Variants in ERMARD observed in about 807,000 individuals in gnomAD.
ERMARD encodes endoplasmic reticulum membrane-associated RNA degradation protein.
In ERMARD, 71 loss-of-function variants were observed where a neutral mutation model predicts 83.9. That is an observed-to-expected ratio of 0.85 (90% CI 0.70 to 1.03). The LOEUF is 1.03. Ranked by LOEUF, ERMARD falls within the 50% of genes least tolerant of loss-of-function variation. The probability of loss-of-function intolerance (pLI) is 0.00; values close to 1 mark genes in which losing one functional copy is unlikely to be tolerated. For missense variants in ERMARD, 838 were observed against 810.9 expected, an observed-to-expected ratio of 1.03 and a Z score of -0.41; for synonymous variants, 284 against 298.6, an observed-to-expected ratio of 0.95 and a Z score of 0.50.
intron 17 of ERMARD, among the ~76,000 whole-genome samples, chr6:169,779,870 G>A (rs971889959): frequency 6.6e-6 from 1 of 152,220 alleles, no homozygotes; most frequent in Non-Finnish European, 1.5e-5. Flanking sequence ...TGACACTTGT[G>A]TGACCCACTT....
intron 12 of ERMARD, chr6:169,771,690 C>G (rs1368547865): frequency 6.6e-6 from 1 of 152,198 alleles, no homozygotes; most frequent in Non-Finnish European, 1.5e-5. Context: ...AGGCGGGAAG[C>G]CTTAGATTCC....
chr6:169,757,503 G>A (rs1024945398), intron 5 of ERMARD, among the ~76,000 whole-genome samples: 6 of 152,034 alleles, frequency 3.9e-5, no homozygotes, highest in East Asian at 3.8e-4. Flanking sequence ...AAATTTTAAC[G>A]TGAAATTATC....
In ERMARD at chr6:169,768,087, AT is replaced by A. The variant is rs775461295; in HGVS notation, c.991-11del. ...TGGGGACCAGTTAACCAATGTATTT[AT>A]TTTTGATGTTTTAGATATTGGCAAA... On this transcript the variant is annotated splice_polypyrimidine_tract_variant and intron_variant, in intron 10 of 17. Coordinates refer to ENST00000366773, the MANE Select transcript of ERMARD (RefSeq NM_018341.3). 1.2e-6 allele frequency: 2 copies of A among 1,608,014 alleles called. No individual in the cohort carries two copies. Among genetic ancestry groups the A allele is most frequent in the Non-Finnish European group, 1.7e-6 (2 of 1,174,602 alleles).
chr6:169,780,735 A>G (rs1794111301), intron 17 of ERMARD, among the ~76,000 whole-genome samples: 1 of 152,220 alleles, frequency 6.6e-6, no homozygotes, highest in Non-Finnish European at 1.5e-5. Flanking sequence ...TGCACTGCAC[A>G]GGTCCACTTG....
At chr6:169,758,934 A>T in intron 5 of ERMARD, 34 bp from the exon 6 acceptor site, 1 of 1,541,204 alleles carries the variant, frequency 6.5e-7, no homozygotes, top group Non-Finnish European at 8.9e-7. Flanking sequence ...TCAGTAATTC[A>T]GTATAATTAA....
chr6:169,756,625 C>A, intron 4 of ERMARD, 94 bp from the exon 5 acceptor site: 1 of 1,143,888 alleles, frequency 8.7e-7, no homozygotes. Context: ...TACTTTTCAC[C>A]CTTCATTTGT....
intron 5 of ERMARD, among the ~76,000 whole-genome samples, chr6:169,757,106 C>A (rs1373126200): frequency 6.6e-6 from 1 of 152,174 alleles, no homozygotes; most frequent in Non-Finnish European, 1.5e-5. Flanking sequence ...AGCTGTCTCC[C>A]CCTGCGTCCC....
chr6:169,776,787 G>T, intron 16 of ERMARD, 114 bp downstream of exon 16: 1 of 1,196,756 alleles, frequency 8.4e-7, no homozygotes, highest in Non-Finnish European at 1.2e-6. Context: ...GAACCCCATC[G>T]ACAGGTGTTG....
chr6:169,760,014 T>C (rs377756436), intron 7 of ERMARD, 40 bp downstream of exon 7: 7 of 1,612,290 alleles, frequency 4.3e-6, no homozygotes, highest in East Asian at 2.2e-5. Context: ...TAGCTTTGCG[T>C]AGATATTTGC....
chr6:169,775,248 G>T (rs753567828), intron 13 of ERMARD, 22 bp from the exon 14 acceptor site: 6 of 1,612,096 alleles, frequency 3.7e-6, no homozygotes, highest in Non-Finnish European at 4.2e-6. Flanking sequence ...ATCTACAAAA[G>T]CAATAAAACA....
At chr6:169,779,547 T>C (rs1793973363) in intron 17 of ERMARD, among the ~76,000 whole-genome samples, 1 of 152,114 alleles carries the variant, frequency 6.6e-6, no homozygotes, top group Non-Finnish European at 1.5e-5. Context: ...CATGCTGGAG[T>C]GCAGTGGCAT....
At chr6:169,778,690 A>G (rs1793868647) in intron 16 of ERMARD, among the ~76,000 whole-genome samples, 1 of 152,238 alleles carries the variant, frequency 6.6e-6, no homozygotes, top group South Asian at 2.1e-4. Context: ...CTCCAAAACC[A>G]CAATATTTTT....
chr6:169,751,495 T>A (rs763007135), upstream of ERMARD: 12 of 1,610,650 alleles, frequency 7.5e-6, no homozygotes, highest in South Asian at 1.3e-4. Context: ...CGCCTCCCCT[T>A]CACCGCCGGC....
chr6:169,759,410 G>A (rs940561480), intron 6 of ERMARD, among the ~76,000 whole-genome samples: 1 of 151,950 alleles, frequency 6.6e-6, no homozygotes, highest in African/African-American at 2.4e-5. Flanking sequence ...TTCCTACATC[G>A]AGAGAATTTT....
intron 9 of ERMARD, among the ~76,000 whole-genome samples, 173 bp downstream of exon 9, chr6:169,762,704 G>A (rs1456181264): frequency 1.3e-5 from 2 of 152,146 alleles, no homozygotes; most frequent in Non-Finnish European, 2.9e-5. Context: ...TGTTATTTAT[G>A]ATTGTTTTTG....
rs771227992 is a variant in ERMARD, at chr6:169,751,642, C to T, written c.-16C>T. ...CCTGCGTCATTCACGCGCGCCGCAG[C>T]GGGGCACCGGAAGTTATGGAGGTAG... On this transcript the variant is annotated 5_prime_UTR_variant, in exon 1 of 18. Transcript: ENST00000366773. 6.4e-6 allele frequency: 10 copies of T among 1,566,638 alleles called. No individual in the cohort carries two copies. The highest frequency in any genetic ancestry group is 1.4e-5 in the African/African-American group (1 of 73,830).
rs1791303574 is a variant in ERMARD, at chr6:169,759,851, A to G, written c.619A>G (p.Met207Val). 6.2e-7 allele frequency: 1 copy of G among 1,614,040 alleles called. No individual in the cohort carries two copies. Among genetic ancestry groups the G allele is most frequent in the Non-Finnish European group, 8.5e-7 (1 of 1,179,992 alleles). Residue 207 changes from methionine to valine, a missense_variant, in exon 7 of 18, where the codon ATG becomes GTG. Physicochemically the swap from Met to Val is conservative, Grantham distance 21. Transcript: ENST00000366773. Reference protein sequence around the residue: ...EEIPPKYCSMMILLTAGLGQL... With the variant: ...EEIPPKYCSMVILLTAGLGQL... ...GGTATTTCCTAGATACTGTTCAATG[A>G]TGATACTGTTGACGGCAGGATTGGG...
chr6:169,776,725 C>T lies in ERMARD; in HGVS notation c.1739+52C>T, dbSNP rs768520300. 2.5e-6 allele frequency: 4 copies of T among 1,594,516 alleles called. No homozygotes were observed. In the South Asian group the frequency reaches 3.4e-5, roughly 13 times the overall value. ...GGGGCACTGTGGGGCAGGAAGTTGTCACAGATGCAGTTCTAGTCCTCACTT... is the reference window on the plus strand; with the variant it reads ...GGGGCACTGTGGGGCAGGAAGTTGTTACAGATGCAGTTCTAGTCCTCACTT... On this transcript the variant is annotated intron_variant, in intron 16 of 17. Transcript: ENST00000366773.
At chr6:169,775,552 A>G (rs1793486013) in intron 14 of ERMARD, among the ~76,000 whole-genome samples, 2 of 152,244 alleles carry the variant, frequency 1.3e-5, no homozygotes, top group Admixed American at 6.5e-5. Flanking sequence ...GAGACTGAAC[A>G]TGGAACGAGA....
Sources: gnomAD v4.1 joint callset for allele counts (sites outside exome capture counted in the v4.1 genomes callset) on GRCh38, gnomAD v4.1.1 for gene constraint, MANE v1.5 for transcripts, NCBI Gene and HGNC (gene_info 2026-07-23, HGNC 2026-07-21) for gene names.